Variants in XPO4 observed in about 807,000 individuals in gnomAD.
The protein encoded by XPO4 is exportin-4.
XPO4 carries 39 observed loss-of-function variants against 143.0 expected under a neutral mutation model. That is an observed-to-expected ratio of 0.27 (90% CI 0.21 to 0.36). XPO4 has a LOEUF of 0.36. Ranked by LOEUF, XPO4 falls within the 10% of genes least tolerant of loss-of-function variation. The probability of loss-of-function intolerance (pLI) is 1.00; values close to 1 mark genes in which losing one functional copy is unlikely to be tolerated. For synonymous variants in XPO4, 439 were observed against 474.0 expected (o/e 0.93, Z 0.96); for missense variants, 907 against 1,348.0 (o/e 0.67, Z 5.12).
At chr13:20,900,281 G>A (rs7333449) in intron 1 of XPO4, among the ~76,000 whole-genome samples, 53,799 of 151,818 alleles carry the variant, frequency 0.35, 11,266 homozygotes, top group Non-Finnish European at 0.48. Flanking sequence ...CTACTCGGGA[G>A]GCTGAGGCAG....
At chr13:20,887,317 T>C (rs538487062) in intron 1 of XPO4, among the ~76,000 whole-genome samples, 1 of 152,238 alleles carries the variant, frequency 6.6e-6, no homozygotes, top group African/African-American at 2.4e-5. Context: ...ATACTTCACA[T>C]AAGGGAGGTG....
chr13:20,779,745 CTATTTT>C lies in XPO4; in HGVS notation c.*3971_*3976del, dbSNP rs2059120368. The C allele has an allele frequency of 6.6e-6, 1 of 152,602 alleles. No homozygotes were observed. The highest frequency in any genetic ancestry group is 2.4e-5 in the African/African-American group (1 of 41,442). 9.5% of individuals were successfully genotyped at this position (152,602 alleles called of 1,614,324 possible). On this transcript the variant is annotated 3_prime_UTR_variant, in exon 23 of 23. Coordinates refer to ENST00000255305, the MANE Select transcript of XPO4 (RefSeq NM_022459.5). ...AGTATGAATGCCCAGTATTAAGCTT[CTATTTT>C]TATTTGAACCAAACATATTCTTTGG...
At position 20,799,743 on chromosome 13, in the gene XPO4, C is replaced by T. The variant is rs145657758; in HGVS notation, c.2148-404G>A. On this transcript the variant is annotated intron_variant, in intron 15 of 22. Transcript: ENST00000255305. ...TGATACTCCTATACAGTAAGAACAA[C>T]GAAAACATTTCTAGAATTGTTGTAG... Among the ~76,000 whole-genome samples the T allele has an allele frequency of 8.3e-4, 126 of 152,204 alleles. 1 individual carries two copies. Among genetic ancestry groups the T allele is most frequent in the African/African-American group, 2.9e-3 (121 of 41,534 alleles).
At chr13:20,785,143 C>T (rs2059184526) in intron 22 of XPO4, among the ~76,000 whole-genome samples, 1 of 152,158 alleles carries the variant, frequency 6.6e-6, no homozygotes. Context: ...GCAAAAATTA[C>T]AAGCATGAGC....
chr13:20,786,682 G>C (rs1217476913), intron 22 of XPO4, among the ~76,000 whole-genome samples: 3 of 152,124 alleles, frequency 2.0e-5, no homozygotes, highest in Non-Finnish European at 4.4e-5. Context: ...TCCTAGCACA[G>C]TTGTTTAAGG....
intron 6 of XPO4, among the ~76,000 whole-genome samples, chr13:20,829,541 G>A (rs57035049): frequency 0.021 from 3,129 of 152,206 alleles, 84 homozygotes; most frequent in Middle Eastern, 0.075. Context: ...CTCAGAGTAA[G>A]AAGGCAAATA....
chr13:20,900,125 G>A (rs1275271422), intron 1 of XPO4, among the ~76,000 whole-genome samples: 1 of 152,166 alleles, frequency 6.6e-6, no homozygotes, highest in Non-Finnish European at 1.5e-5. Context: ...AGTGGCTCAC[G>A]CCTGTAATCC....
intron 4 of XPO4, among the ~76,000 whole-genome samples, chr13:20,846,931 T>C (rs909827534): frequency 6.6e-6 from 1 of 152,214 alleles, no homozygotes. Flanking sequence ...AATAAATTAT[T>C]GTACAGCATT....
chr13:20,887,045 G>C (rs550360217), intron 1 of XPO4, among the ~76,000 whole-genome samples: 68 of 152,058 alleles, frequency 4.5e-4, no homozygotes, highest in African/African-American at 1.3e-3. Flanking sequence ...ACTCCAGCCT[G>C]GGCAACAAGA....
chr13:20,846,047 C>T (rs1222643498), intron 4 of XPO4, among the ~76,000 whole-genome samples: 1 of 152,178 alleles, frequency 6.6e-6, no homozygotes, highest in Non-Finnish European at 1.5e-5. Context: ...AGAATTGACA[C>T]ATAACATAAA....
intron 1 of XPO4, among the ~76,000 whole-genome samples, chr13:20,901,003 A>G (rs1428102636): frequency 6.6e-6 from 1 of 152,214 alleles, no homozygotes; most frequent in Admixed American, 6.5e-5. Flanking sequence ...TTTATACAAC[A>G]TATGACAGAT....
rs913672879 is a variant in XPO4, at chr13:20,842,987, C to T, written c.635G>A (p.Arg212Gln). ...AGACATCTGAGCATTGAGGTTTTCC[C>T]GCCTGCTGAACTCCTGCAGAACTTC... The part of the protein sequence containing the change: ...TVEVLQEFSR[R>Q]ENLNAQMSSV... The change falls in exon 6 of 23, where the codon CGG becomes CAG. Residue 212 changes from arginine (R) to glutamine (Q), a missense_variant. By Grantham distance (43) the Arg-to-Gln change is conservative. Transcript: ENST00000255305. The T allele has an allele frequency of 3.1e-6, 5 of 1,613,138 alleles. No homozygotes were observed. The highest frequency in any genetic ancestry group is 2.7e-5 in the African/African-American group (2 of 74,918).
At chr13:20,787,951 G>A (rs2059227909) in intron 20 of XPO4, among the ~76,000 whole-genome samples, 1 of 152,142 alleles carries the variant, frequency 6.6e-6, no homozygotes, top group Admixed American at 6.5e-5. Context: ...CTGGAACCAG[G>A]GACTGAATGC....
chr13:20,882,617 G>A (rs1421431164), intron 1 of XPO4, among the ~76,000 whole-genome samples: 1 of 152,170 alleles, frequency 6.6e-6, no homozygotes, highest in Admixed American at 6.5e-5. Flanking sequence ...GCCAGGCGCA[G>A]TGGCTCATGC....
rs182088782 is a variant in XPO4, at chr13:20,851,768, A to T, written c.456+3859T>A. Reference sequence around the variant, plus strand: ...GAAAGAAAGACAGAAATTTGACTTTAAAAAAAACTTTGGAGTCTTTCATGA... The same window carrying T: ...GAAAGAAAGACAGAAATTTGACTTTTAAAAAAACTTTGGAGTCTTTCATGA... On this transcript the variant is annotated intron_variant, in intron 4 of 22. Coordinates refer to ENST00000255305, the MANE Select transcript of XPO4 (RefSeq NM_022459.5). 6.0e-4 allele frequency: 586 copies of T among 983,972 alleles called. 2 individuals carry two copies. In the African/African-American group the frequency reaches 8.0e-3, roughly 13 times the overall value. 61.0% of individuals were successfully genotyped at this position (983,972 alleles called of 1,614,324 possible).
At chr13:20,890,737 T>C (rs1463460429) in intron 1 of XPO4, among the ~76,000 whole-genome samples, 4 of 136,918 alleles carry the variant, frequency 2.9e-5, no homozygotes, top group Non-Finnish European at 6.0e-5. Context: ...AGGCAGAGGA[T>C]GGCGTGAGCC....
Position 20,846,211 on chromosome 13 carries a change from C to T in XPO4, c.457-2325G>A, listed in dbSNP as rs145836099. Among the ~76,000 whole-genome samples the T allele has an allele frequency of 5.3e-5, 8 of 152,300 alleles. No individual in the cohort carries two copies. The East Asian group carries it at 1.5e-3, about 29-fold the overall frequency. ...ACAAAATGGCTTATTTTAAAACTAT[C>T]ACCATATTCAAGTTTTCAGGAACAT... On this transcript the variant is annotated intron_variant, in intron 4 of 22. Transcript: ENST00000255305.
At chr13:20,858,922 G>GTATATATATATA (rs59921874) in intron 3 of XPO4, among the ~76,000 whole-genome samples, 4 of 148,720 alleles carry the variant, frequency 2.7e-5, no homozygotes, top group African/African-American at 7.4e-5. Flanking sequence ...ATGTGTGTGT[G>GTATATATATATA]TATATATATA....
chr13:20,899,143 G>A (rs2060596382), intron 1 of XPO4, among the ~76,000 whole-genome samples: 2 of 152,144 alleles, frequency 1.3e-5, no homozygotes, highest in East Asian at 1.9e-4. Flanking sequence ...ATGCACGGTT[G>A]ATGTCCATGG....
Sources: gnomAD v4.1 joint callset for allele counts (sites outside exome capture counted in the v4.1 genomes callset) on GRCh38, gnomAD v4.1.1 for gene constraint, MANE v1.5 for transcripts, NCBI Gene and HGNC (gene_info 2026-07-23, HGNC 2026-07-21) for gene names.